The following AFF1 variants were observed in gnomAD, a reference collection of about 807,000 sequenced individuals.
AFF1 encodes the protein AF4/FMR2 family member 1.
A neutral mutation model predicts 121.7 loss-of-function variants in AFF1; 48 were observed. The observed-to-expected ratio is 0.39, with a 90% CI of 0.31 to 0.50. The LOEUF (loss-of-function observed/expected upper bound fraction) is 0.50, where lower values mean the gene tolerates loss of function less well. Ranked by LOEUF, AFF1 falls within the 20% of genes least tolerant of loss-of-function variation. The pLI is 0.76. For synonymous variants in AFF1, 613 were observed against 563.0 expected (o/e 1.09, Z -1.26); for missense variants, 1,523 against 1,511.7 (o/e 1.01, Z -0.12).
intron 12 of AFF1, among the ~76,000 whole-genome samples, chr4:87,117,103 G>A (rs547887279): frequency 6.6e-6 from 1 of 152,214 alleles, no homozygotes; most frequent in African/African-American, 2.4e-5. Context: ...GTTAGAACCC[G>A]GAGGATCCCC....
chr4:87,089,768 A>G (rs1349410787), intron 5 of AFF1, among the ~76,000 whole-genome samples: 1 of 152,212 alleles, frequency 6.6e-6, no homozygotes, highest in East Asian at 1.9e-4. Context: ...TGTCTTCTAC[A>G]AACTGGCGTT....
At chr4:87,132,762 C>T (rs1728948790) in intron 19 of AFF1, among the ~76,000 whole-genome samples, 1 of 152,192 alleles carries the variant, frequency 6.6e-6, no homozygotes, top group African/African-American at 2.4e-5. Flanking sequence ...GCAATCTTGG[C>T]TTACTGCAAC....
chr4:86,944,509 A>T (rs547428264), intron 1 of AFF1, among the ~76,000 whole-genome samples: 71 of 151,770 alleles, frequency 4.7e-4, no homozygotes, highest in African/African-American at 1.6e-3. Context: ...CGCTTGGCTA[A>T]TTTTTTTTGT....
chr4:86,961,735 C>G (rs1443084804), intron 2 of AFF1, among the ~76,000 whole-genome samples: 1 of 152,026 alleles, frequency 6.6e-6, no homozygotes, highest in East Asian at 1.9e-4. Flanking sequence ...GTTTCAGAGC[C>G]CTTTTCATCG....
At position 87,084,119 on chromosome 4, in the gene AFF1, G is replaced by A; in HGVS notation, c.1060-1G>A. The A allele has an allele frequency of 1.2e-6, 2 of 1,613,804 alleles. No individual in the cohort carries two copies. Among genetic ancestry groups the A allele is most frequent in the Non-Finnish European group, 1.7e-6 (2 of 1,179,782 alleles). On this transcript the variant is annotated splice_acceptor_variant, in intron 4 of 20. Transcript: ENST00000395146. LOFTEE classifies it high-confidence loss of function. Reference sequence around the variant, plus strand: ...TTTTATTTTTTGCTTTTCACTTTCAGCAGACCTACTCCAATGAAGTCCATT... The same window carrying A: ...TTTTATTTTTTGCTTTTCACTTTCAACAGACCTACTCCAATGAAGTCCATT...
chr4:87,088,173 T>TG (rs34373605), intron 5 of AFF1, among the ~76,000 whole-genome samples: 124,387 of 152,202 alleles, frequency 0.82, 51,021 homozygotes, highest in African/African-American at 0.89. Flanking sequence ...GAGTTAGGAT[T>TG]CAATCTGGGT....
intron 5 of AFF1, among the ~76,000 whole-genome samples, chr4:87,089,675 A>G (rs1724099284): frequency 6.6e-6 from 1 of 152,222 alleles, no homozygotes; most frequent in African/African-American, 2.4e-5. Context: ...CAGCTCCACA[A>G]GCTCTGGCAG....
intron 5 of AFF1, among the ~76,000 whole-genome samples, chr4:87,084,550 C>CAATA (rs58068934): frequency 0.063 from 8,666 of 136,794 alleles, 334 homozygotes; most frequent in Admixed American, 0.11. Flanking sequence ...ACTATGTCTC[C>CAATA]AATAAATAAA....
intron 2 of AFF1, 75 bp from the exon 3 acceptor site, chr4:87,046,091 C>T: frequency 6.4e-7 from 1 of 1,567,756 alleles, no homozygotes; most frequent in Admixed American, 1.8e-5. Context: ...TCCCTTCTCA[C>T]ATGTAAGTAT....
At chr4:86,988,505 A>G (rs1275190021) in intron 2 of AFF1, among the ~76,000 whole-genome samples, 3 of 152,152 alleles carry the variant, frequency 2.0e-5, no homozygotes, top group Non-Finnish European at 4.4e-5. Context: ...GACCTCTTCA[A>G]GGAGAATTAA....
At chr4:87,029,832 G>T (rs999439424) in intron 2 of AFF1, among the ~76,000 whole-genome samples, 1 of 152,166 alleles carries the variant, frequency 6.6e-6, no homozygotes, top group Non-Finnish European at 1.5e-5. Context: ...CACCTTGGAG[G>T]CATTGTGAAA....
At chr4:86,974,391 G>T (rs903930214) in intron 2 of AFF1, among the ~76,000 whole-genome samples, 1 of 152,170 alleles carries the variant, frequency 6.6e-6, no homozygotes, top group Non-Finnish European at 1.5e-5. Context: ...CTCAGGATGC[G>T]CCTGCCTCGG....
chr4:86,944,620 A>T (rs1010048932), intron 1 of AFF1, among the ~76,000 whole-genome samples: 3 of 152,178 alleles, frequency 2.0e-5, no homozygotes, highest in African/African-American at 7.2e-5. Context: ...CTGGGATTAC[A>T]GACAGCCGCG....
chr4:86,984,390 C>T (rs940416666), intron 2 of AFF1, among the ~76,000 whole-genome samples: 28 of 147,032 alleles, frequency 1.9e-4, no homozygotes, highest in Admixed American at 5.5e-4. Flanking sequence ...TGCAGTGGTG[C>T]AATCTCAGCT....
At chr4:87,127,530 CCT>C (rs1165647664) in intron 15 of AFF1, 111 bp from the exon 16 acceptor site, 5 of 910,734 alleles carry the variant, frequency 5.5e-6, no homozygotes, top group African/African-American at 1.7e-5. Context: ...CTTTGTTTAC[CCT>C]CTCTCCTCCC....
chr4:87,049,079 T>TA (rs869134642), intron 4 of AFF1, among the ~76,000 whole-genome samples: 8 of 66,078 alleles, frequency 1.2e-4, no homozygotes, highest in East Asian at 4.8e-4. Flanking sequence ...GTTCCCAGTT[T>TA]AAAAAAAAAA....
intron 4 of AFF1, among the ~76,000 whole-genome samples, chr4:87,073,805 A>T (rs1281678204): frequency 6.6e-6 from 1 of 152,256 alleles, no homozygotes; most frequent in Non-Finnish European, 1.5e-5. Flanking sequence ...GCAACATAGA[A>T]TTAAACATGC....
chr4:86,985,678 G>GTAAA (rs999186108), intron 2 of AFF1, among the ~76,000 whole-genome samples: 1 of 151,888 alleles, frequency 6.6e-6, no homozygotes, highest in Non-Finnish European at 1.5e-5. Context: ...CTCCATCTTA[G>GTAAA]TAAATAAATA....
intron 4 of AFF1, among the ~76,000 whole-genome samples, chr4:87,066,377 A>G (rs1234770784): frequency 6.6e-6 from 1 of 152,074 alleles, no homozygotes; most frequent in Non-Finnish European, 1.5e-5. Context: ...GTAGGCCAGG[A>G]GTTTTGAGAC....
Sources: allele counts gnomAD v4.1 joint callset (sites outside exome capture counted in the v4.1 genomes callset), GRCh38; gene constraint gnomAD v4.1.1; transcripts MANE v1.5; gene names NCBI Gene and HGNC (gene_info 2026-07-23, HGNC 2026-07-21).